XKR4: variants seen among roughly 807,000 people sequenced by gnomAD.
XKR4 encodes the protein XK related 4, also known as XK-related protein 4.
A neutral mutation model predicts 53.9 loss-of-function variants in XKR4; 12 were observed. That is an observed-to-expected ratio of 0.22 (90% CI 0.14 to 0.36). XKR4 has a LOEUF of 0.36. Ranked by LOEUF, XKR4 falls within the 10% of genes least tolerant of loss-of-function variation. The pLI is 1.00. For missense variants in XKR4, 799 were observed against 859.5 expected (o/e 0.93, Z 0.88); for synonymous variants, 354 against 362.4 (o/e 0.98, Z 0.26).
chr8:55,161,297 A>G (rs2306450), intron 1 of XKR4, among the ~76,000 whole-genome samples: 4,580 of 152,294 alleles, frequency 0.03, 173 homozygotes, highest in East Asian at 0.12. Context: ...ACTCGCAGAC[A>G]TCTTTCCCAG....
chr8:55,304,549 C>A (rs895590992), intron 1 of XKR4, among the ~76,000 whole-genome samples: 4 of 152,050 alleles, frequency 2.6e-5, no homozygotes, highest in Admixed American at 2.6e-4. Flanking sequence ...TCCTGGGTAT[C>A]CTTGTTAATT....
At chr8:55,436,029 C>T (rs1805173036) in intron 2 of XKR4, among the ~76,000 whole-genome samples, 1 of 152,138 alleles carries the variant, frequency 6.6e-6, no homozygotes, top group African/African-American at 2.4e-5. Flanking sequence ...TTCAGTACAG[C>T]ATATTTTTTC....
intron 2 of XKR4, chr8:55,451,249 G>C: frequency 5.2e-6 from 3 of 574,936 alleles, no homozygotes; most frequent in Non-Finnish European, 9.3e-6. Context: ...CCACTGCTGC[G>C]CCCACAGGTC....
At chr8:55,384,752 G>A (rs901442639) in intron 2 of XKR4, among the ~76,000 whole-genome samples, 9 of 152,248 alleles carry the variant, frequency 5.9e-5, no homozygotes, top group Admixed American at 5.9e-4. Context: ...ACCCAAGCCA[G>A]TAGCTGAGAG....
chr8:55,119,980 A>T (rs1263375838), intron 1 of XKR4, among the ~76,000 whole-genome samples: 1 of 152,222 alleles, frequency 6.6e-6, no homozygotes, highest in Non-Finnish European at 1.5e-5. Context: ...ACCAGAGTAA[A>T]GCTTAATACA....
intron 1 of XKR4, among the ~76,000 whole-genome samples, chr8:55,280,414 A>G (rs1333601092): frequency 1.3e-5 from 2 of 152,228 alleles, no homozygotes; most frequent in East Asian, 3.9e-4. Flanking sequence ...AAAGTGTAGT[A>G]GCAAACACCC....
chr8:55,454,218 A>C (rs1180855805), intron 2 of XKR4: 1 of 1,087,688 alleles, frequency 9.2e-7, no homozygotes, highest in East Asian at 2.4e-5. Flanking sequence ...ATGTGCACAC[A>C]CTCAGGGATG....
intron 1 of XKR4, among the ~76,000 whole-genome samples, chr8:55,253,239 TAA>T (rs35799778): frequency 2.0e-5 from 3 of 148,694 alleles, no homozygotes; most frequent in Non-Finnish European, 1.5e-5. Flanking sequence ...TCCATGGTAG[TAA>T]AAAAAAAAAT....
intron 1 of XKR4, among the ~76,000 whole-genome samples, chr8:55,313,846 C>T (rs968908338): frequency 2.0e-5 from 3 of 152,170 alleles, no homozygotes; most frequent in East Asian, 1.9e-4. Flanking sequence ...TACAGAATAA[C>T]GAATTAGAAT....
intron 1 of XKR4, among the ~76,000 whole-genome samples, chr8:55,253,731 C>CTTTTTTTTTTT (rs67608017): frequency 1.8e-5 from 2 of 113,702 alleles, no homozygotes; most frequent in African/African-American, 3.2e-5. Context: ...ATTTTCTTTT[C>CTTTTTTTTTTT]TTTTTTTTTT....
chr8:55,130,233 C>A (rs916216013), intron 1 of XKR4, among the ~76,000 whole-genome samples: 1 of 105,160 alleles, frequency 9.5e-6, no homozygotes, highest in East Asian at 3.3e-4. Flanking sequence ...CAGGTGTTAT[C>A]TGCTACAAAA....
intron 2 of XKR4, among the ~76,000 whole-genome samples, chr8:55,513,888 TG>T (rs1171496746): frequency 6.6e-6 from 1 of 152,202 alleles, no homozygotes; most frequent in African/African-American, 2.4e-5. Context: ...TTCTGTTACA[TG>T]TTAGAAATGT....
At chr8:55,199,926 G>A (rs752812374) in intron 1 of XKR4, among the ~76,000 whole-genome samples, 1 of 152,162 alleles carries the variant, frequency 6.6e-6, no homozygotes, top group Non-Finnish European at 1.5e-5. Flanking sequence ...GCTTAAAAAG[G>A]TTAAATTTCT....
intron 1 of XKR4, among the ~76,000 whole-genome samples, chr8:55,249,048 T>C (rs1031498491): frequency 1.3e-5 from 2 of 152,212 alleles, no homozygotes; most frequent in Non-Finnish European, 1.5e-5. Flanking sequence ...TCTTTAAGTA[T>C]GGTTCCTAAG....
intron 1 of XKR4, among the ~76,000 whole-genome samples, chr8:55,294,857 C>T (rs990539087): frequency 4.6e-5 from 7 of 152,130 alleles, no homozygotes; most frequent in East Asian, 1.9e-4. Context: ...GGGGGAAAGA[C>T]GAAGACCTCA....
At chr8:55,440,430 G>C (rs1805247939) in intron 2 of XKR4, among the ~76,000 whole-genome samples, 3 of 152,110 alleles carry the variant, frequency 2.0e-5, no homozygotes, top group Admixed American at 2.0e-4. Flanking sequence ...AAAAATAATA[G>C]CATATTAATC....
chr8:55,495,165 T>C (rs1001030834), intron 2 of XKR4, among the ~76,000 whole-genome samples: 1 of 152,156 alleles, frequency 6.6e-6, no homozygotes, highest in African/African-American at 2.4e-5. Flanking sequence ...GGCTTACCAG[T>C]GCCTAGACTT....
intron 1 of XKR4, among the ~76,000 whole-genome samples, chr8:55,232,147 A>G (rs1295282797): frequency 1.3e-5 from 2 of 152,214 alleles, no homozygotes; most frequent in Non-Finnish European, 2.9e-5. Flanking sequence ...TGGGTTGTAC[A>G]TCCAAGTCCC....
At chr8:55,280,291 A>T (rs1416384339) in intron 1 of XKR4, among the ~76,000 whole-genome samples, 2 of 152,196 alleles carry the variant, frequency 1.3e-5, no homozygotes, top group African/African-American at 4.8e-5. Context: ...TTAGGCGCCC[A>T]CTGAGCCATC....
Sources: allele counts gnomAD v4.1 joint callset (sites outside exome capture counted in the v4.1 genomes callset), GRCh38; gene constraint gnomAD v4.1.1; transcripts MANE v1.5; gene names NCBI Gene and HGNC (gene_info 2026-07-23, HGNC 2026-07-21).